Variants in NCAPH observed in about 807,000 individuals in gnomAD.
The protein encoded by NCAPH is non-SMC condensin I complex subunit H.
NCAPH carries 38 observed loss-of-function variants against 85.5 expected under a neutral mutation model. That is an observed-to-expected ratio of 0.44 (90% CI 0.34 to 0.58). NCAPH has a LOEUF of 0.58. NCAPH is among the 20% of genes least tolerant of loss of function. The pLI, the probability that NCAPH is intolerant of heterozygous loss-of-function variation, is 0.01. For missense variants in NCAPH, 789 were observed against 916.6 expected, an observed-to-expected ratio of 0.86 and a Z score of 1.80; for synonymous variants, 301 against 335.1, an observed-to-expected ratio of 0.90 and a Z score of 1.11.
chr2:96,348,642 T>C (rs1012618438), intron 6 of NCAPH, among the ~76,000 whole-genome samples: 2 of 151,826 alleles, frequency 1.3e-5, no homozygotes, highest in Admixed American at 6.6e-5. Context: ...CTGGAATTTA[T>C]CTTACTGTCA....
intron 1 of NCAPH, among the ~76,000 whole-genome samples, chr2:96,338,955 C>T (rs926169939): frequency 3.3e-5 from 5 of 152,086 alleles, no homozygotes; most frequent in Non-Finnish European, 7.4e-5. Context: ...GGACTACAGG[C>T]ACCCGCCACT....
chr2:96,371,680 AT>A (rs1233383037), intron 17 of NCAPH, among the ~76,000 whole-genome samples: 2 of 152,172 alleles, frequency 1.3e-5, no homozygotes, highest in Non-Finnish European at 1.5e-5. Context: ...CACCGAGGCC[AT>A]TACTGGGGCC....
intron 9 of NCAPH, among the ~76,000 whole-genome samples, chr2:96,358,678 C>T (rs1197810656): frequency 1.3e-5 from 2 of 152,190 alleles, no homozygotes; most frequent in African/African-American, 2.4e-5. Flanking sequence ...CTGTGTTAGC[C>T]AGGGTGGTCT....
chr2:96,336,893 T>A (rs1204364827), intron 1 of NCAPH, among the ~76,000 whole-genome samples: 1 of 152,148 alleles, frequency 6.6e-6, no homozygotes, highest in Non-Finnish European at 1.5e-5. Flanking sequence ...AAGACAGTGG[T>A]ATAGGAAGAA....
intron 9 of NCAPH, 109 bp downstream of exon 9, chr2:96,354,497 C>G (rs867609174): frequency 2.0e-6 from 2 of 994,062 alleles, no homozygotes; most frequent in Non-Finnish European, 2.7e-6. Flanking sequence ...TTTTTCCCCC[C>G]CCAAAAATAG....
At position 96,375,681 on chromosome 2, in the gene NCAPH, A is replaced by G. The variant is rs2064824270; in HGVS notation, c.*2330A>G. ...ACTAAGACAGTGGGTATGCAAGATAAGTTTATTTTATATAAAATACTTTGG... is the reference window on the plus strand; with the variant it reads ...ACTAAGACAGTGGGTATGCAAGATAGGTTTATTTTATATAAAATACTTTGG... On this transcript the variant is annotated 3_prime_UTR_variant, in exon 18 of 18. Transcript: ENST00000240423. Among the ~76,000 whole-genome samples the G allele has an allele frequency of 6.6e-6, 1 of 152,210 alleles. No individual in the cohort carries two copies. Among genetic ancestry groups the G allele is most frequent in the Admixed American group, 6.5e-5 (1 of 15,280 alleles).
intron 1 of NCAPH, among the ~76,000 whole-genome samples, chr2:96,337,798 G>A (rs1340347081): frequency 6.6e-6 from 1 of 152,160 alleles, no homozygotes; most frequent in African/African-American, 2.4e-5. Flanking sequence ...CCTAGCTCAC[G>A]GCAGCCTTGC....
Position 96,335,851 on chromosome 2 carries a change from G to T in NCAPH, c.19+3G>T. On this transcript the variant is annotated splice_donor_region_variant and intron_variant, in intron 1 of 17. Coordinates refer to ENST00000240423, the MANE Select transcript of NCAPH (RefSeq NM_015341.5). The stretch of plus-strand genomic sequence containing the variant: ...AAAGATGGGACCTCCCGGCCCAGGT[G>T]AGCCGGGCGGTCGGGAGGCGCGGCG... The T allele has an allele frequency of 1.3e-6, 2 of 1,489,328 alleles. No individual in the cohort carries two copies. Among genetic ancestry groups the T allele is most frequent in the Non-Finnish European group, 1.8e-6 (2 of 1,123,302 alleles). The allele number at this position is 1,489,328 out of a possible 1,614,324, so 92.3% of individuals were successfully genotyped here.
intron 1 of NCAPH, among the ~76,000 whole-genome samples, chr2:96,339,266 C>T (rs1374739554): frequency 6.6e-6 from 1 of 152,142 alleles, no homozygotes; most frequent in Non-Finnish European, 1.5e-5. Flanking sequence ...CCTTTCAACT[C>T]TCACCCTCTC....
intron 1 of NCAPH, among the ~76,000 whole-genome samples, chr2:96,336,183 G>C (rs999953523): frequency 6.6e-6 from 1 of 152,212 alleles, no homozygotes; most frequent in Non-Finnish European, 1.5e-5. Flanking sequence ...TAAAATGGTG[G>C]TTTTCCTGGA....
At position 96,351,883 on chromosome 2, in the gene NCAPH, C is replaced by G. The variant is rs1289944023; in HGVS notation, c.773C>G (p.Ala258Gly). 6.2e-7 allele frequency: 1 copy of G among 1,614,024 alleles called. No homozygotes were observed. Among genetic ancestry groups the G allele is most frequent in the East Asian group, 2.2e-5 (1 of 44,884 alleles). ...GCCTCATTTGATGAGTGCAGCACAG[C>G]AGGGGTGTTTCTGTCCACTCTCCAC... The part of the protein sequence containing the change: ...TAASFDECST[A>G]GVFLSTLHCQ... The change falls in exon 7 of 18, where the codon GCA becomes GGA. Residue 258 changes from alanine (A) to glycine (G), a missense_variant. Physicochemically the swap from Ala to Gly is moderately conservative, Grantham distance 60 (BLOSUM62 0). Coordinates refer to ENST00000240423, the MANE Select transcript of NCAPH (RefSeq NM_015341.5).
In NCAPH at chr2:96,374,864, A is replaced by G. The variant is rs1370728639; in HGVS notation, c.*1513A>G. Among the ~76,000 whole-genome samples the G allele has an allele frequency of 1.3e-5, 2 of 151,914 alleles. No homozygotes were observed. Among genetic ancestry groups the G allele is most frequent in the African/African-American group, 4.8e-5 (2 of 41,356 alleles). ...CCCATTCCTTCCCTCAGTCAGCCCC[A>G]CTTCTCTATAGTGGGTTCTGGGGGT... On this transcript the variant is annotated 3_prime_UTR_variant, in exon 18 of 18. Transcript: ENST00000240423.
At chr2:96,366,306 G>A (rs1359478550) in intron 14 of NCAPH, among the ~76,000 whole-genome samples, 1 of 152,216 alleles carries the variant, frequency 6.6e-6, no homozygotes, top group African/African-American at 2.4e-5. Context: ...TAAGGCATAT[G>A]AATGAAGGCT....
chr2:96,343,977 C>T (rs944640788), intron 5 of NCAPH, 128 bp from the exon 6 acceptor site: 6 of 1,218,486 alleles, frequency 4.9e-6, no homozygotes, highest in African/African-American at 3.0e-5. Flanking sequence ...GCTAGGATTA[C>T]AGGCATGAGC....
chr2:96,361,826 A>AT (rs1233132464), intron 12 of NCAPH, among the ~76,000 whole-genome samples: 26 of 118,668 alleles, frequency 2.2e-4, no homozygotes, highest in East Asian at 4.6e-4. Flanking sequence ...ATATATATAT[A>AT]TATTTTTTTT....
At position 96,343,312 on chromosome 2, in the gene NCAPH, G is replaced by C; in HGVS notation, c.595+8G>C. The C allele has an allele frequency of 6.2e-7, 1 of 1,610,300 alleles. No individual in the cohort carries two copies. Among genetic ancestry groups the C allele is most frequent in the Non-Finnish European group, 8.5e-7 (1 of 1,177,920 alleles). Reference sequence around the variant, plus strand: ...TAGAAGGCCATGTTGCTGGTAGGTGGGTAGGGATCTGGATTTAAGTGGCTC... The same window carrying C: ...TAGAAGGCCATGTTGCTGGTAGGTGCGTAGGGATCTGGATTTAAGTGGCTC... On this transcript the variant is annotated splice_region_variant and intron_variant, in intron 5 of 17. Transcript: ENST00000240423.
chr2:96,352,624 G>A (rs2064460370), intron 7 of NCAPH, among the ~76,000 whole-genome samples: 1 of 152,194 alleles, frequency 6.6e-6, no homozygotes, highest in Non-Finnish European at 1.5e-5. Flanking sequence ...GTGCAGTGCA[G>A]TAGCTACACT....
intron 15 of NCAPH, among the ~76,000 whole-genome samples, chr2:96,367,995 T>C (rs955632208): frequency 1.3e-5 from 2 of 152,206 alleles, no homozygotes; most frequent in African/African-American, 4.8e-5. Context: ...AGTAGGAAGA[T>C]AGTGGAAAAG....
intron 12 of NCAPH, among the ~76,000 whole-genome samples, chr2:96,361,040 CTTTTT>C (rs760283642): frequency 2.3e-5 from 2 of 86,778 alleles, no homozygotes; most frequent in African/African-American, 4.3e-5. Context: ...TTGCTTTCTC[CTTTTT>C]TTTTTTTTTT....
Sources: allele counts gnomAD v4.1 joint callset (sites outside exome capture counted in the v4.1 genomes callset), GRCh38; gene constraint gnomAD v4.1.1; transcripts MANE v1.5; gene names NCBI Gene and HGNC (gene_info 2026-07-23, HGNC 2026-07-21).